Variants in SEPSECS observed in about 807,000 individuals in gnomAD.
SEPSECS encodes the protein Sep (O-phosphoserine) tRNA:Sec (selenocysteine) tRNA synthase, also known as O-phosphoseryl-tRNA(Sec) selenium transferase.
A neutral mutation model predicts 52.1 loss-of-function variants in SEPSECS; 42 were observed. That is an observed-to-expected ratio of 0.81 (90% confidence interval 0.63 to 1.04). The LOEUF is 1.04. Ranked by LOEUF, SEPSECS falls within the 50% of genes least tolerant of loss-of-function variation. The pLI, the probability that SEPSECS is intolerant of heterozygous loss-of-function variation, is 0.00. For synonymous variants in SEPSECS, 216 were observed against 211.4 expected (o/e 1.02, Z -0.19); for missense variants, 590 against 610.6 (o/e 0.97, Z 0.36).
At chr4:25,142,309 G>T (rs769581442) in intron 8 of SEPSECS, among the ~76,000 whole-genome samples, 1 of 150,654 alleles carries the variant, frequency 6.6e-6, no homozygotes, top group Non-Finnish European at 1.5e-5. Flanking sequence ...AATGAGGCCT[G>T]CCCTAATCAC....
intron 9 of SEPSECS, among the ~76,000 whole-genome samples, chr4:25,126,787 T>C (rs2109484354): frequency 6.6e-6 from 1 of 152,190 alleles, no homozygotes; most frequent in Non-Finnish European, 1.5e-5. Flanking sequence ...TTCTGATATG[T>C]TGGGGTTTTG....
intron 5 of SEPSECS, among the ~76,000 whole-genome samples, chr4:25,153,945 C>A (rs1160831076): frequency 1.3e-5 from 2 of 152,028 alleles, no homozygotes; most frequent in Non-Finnish European, 2.9e-5. Context: ...AAAGTATCCA[C>A]AAGGATAAAT....
At chr4:25,154,197 T>C (rs1249160760) in intron 5 of SEPSECS, among the ~76,000 whole-genome samples, 3 of 152,260 alleles carry the variant, frequency 2.0e-5, no homozygotes, top group South Asian at 2.1e-4. Flanking sequence ...AAAAACTGTC[T>C]CTTACAATCT....
At chr4:25,159,981 T>C (rs997269396) in intron 1 of SEPSECS, 7 of 985,146 alleles carry the variant, frequency 7.1e-6, no homozygotes, top group Non-Finnish European at 8.4e-6. Flanking sequence ...ACTGGGACTT[T>C]CCCTCACTTC....
intron 8 of SEPSECS, among the ~76,000 whole-genome samples, chr4:25,140,316 T>A (rs1729009214): frequency 1.3e-5 from 2 of 152,134 alleles, no homozygotes; most frequent in African/African-American, 2.4e-5. Flanking sequence ...TATAACTGAG[T>A]TTTTTTGGCC....
In SEPSECS at chr4:25,155,336, G is replaced by A. The variant is rs112375958; in HGVS notation, c.548-185C>T. On this transcript the variant is annotated intron_variant, in intron 4 of 10. Transcript: ENST00000382103. ...AGTCAAAGGCAGGTCAAAATAATGT[G>A]AGGGACTACTACACAATTTTAGGAC... 770 of 635,658 alleles carry A rather than the reference G, an allele frequency of 1.2e-3. 8 individuals carry two copies. In the African/African-American group the frequency reaches 0.012, roughly 10 times the overall value. 39.4% of individuals were successfully genotyped at this position (635,658 alleles called of 1,614,324 possible). A position where few individuals can be genotyped will look rare whatever the true frequency, so the allele number is the denominator to read the frequency against.
At chr4:25,128,422 G>A (rs1254442811) in intron 8 of SEPSECS, among the ~76,000 whole-genome samples, 3 of 149,358 alleles carry the variant, frequency 2.0e-5, no homozygotes, top group African/African-American at 5.0e-5. Flanking sequence ...CACCAGCCTG[G>A]GTAACATAAC....
chr4:25,158,020 T>C (rs1712793233), intron 2 of SEPSECS, among the ~76,000 whole-genome samples: 1 of 152,154 alleles, frequency 6.6e-6, no homozygotes, highest in African/African-American at 2.4e-5. Flanking sequence ...CAATACTCTT[T>C]AAAATAAAAA....
At chr4:25,132,896 C>G (rs1422567958) in intron 8 of SEPSECS, among the ~76,000 whole-genome samples, 2 of 152,156 alleles carry the variant, frequency 1.3e-5, no homozygotes, top group East Asian at 3.8e-4. Context: ...ACTTTAGCAT[C>G]ACACAGACCT....
At chr4:25,146,126 CAACT>C (rs1433497226) in intron 6 of SEPSECS, among the ~76,000 whole-genome samples, 10 of 152,220 alleles carry the variant, frequency 6.6e-5, no homozygotes, top group African/African-American at 2.2e-4. Context: ...GTCTAAATTA[CAACT>C]AACATAGTCT....
Position 25,123,284 on chromosome 4 carries a change from G to A in SEPSECS, c.*647C>T, listed in dbSNP as rs536327033. 6.5e-6 allele frequency: 1 copy of A among 152,770 alleles called. No homozygotes were observed. The highest frequency in any genetic ancestry group is 2.1e-4 in the South Asian group (1 of 4,836). The allele number at this position is 152,770 out of a possible 1,614,324, so 9.5% of individuals were successfully genotyped here. ...TTTGGGCTGGATAATTCTTTGTTGT[G>A]GGAGTTGTCCCATGCATTGTAGGAT... On this transcript the variant is annotated 3_prime_UTR_variant, in exon 11 of 11. Coordinates refer to ENST00000382103, the MANE Select transcript of SEPSECS (RefSeq NM_016955.4).
At position 25,121,421 on chromosome 4, in the gene SEPSECS, T is replaced by C. The variant is rs1226419725; in HGVS notation, c.*2510A>G. ...AATAAGGGTAGTTGGGTCAAAAAGA[T>C]AGAAGAGGTTATCTTCGGCAATGAT... On this transcript the variant is annotated 3_prime_UTR_variant, in exon 11 of 11. Transcript: ENST00000382103. The C allele has an allele frequency of 2.0e-5, 3 of 152,296 alleles. No individual in the cohort carries two copies. The highest frequency in any genetic ancestry group is 3.9e-4 in the East Asian group (2 of 5,194). 9.4% of individuals were successfully genotyped at this position (152,296 alleles called of 1,614,324 possible).
At position 25,159,004 on chromosome 4, in the gene SEPSECS, C is replaced by T; in HGVS notation, c.218G>A (p.Gly73Glu). The T allele has an allele frequency of 6.2e-7, 1 of 1,613,888 alleles. No individual in the cohort carries two copies. Among genetic ancestry groups the T allele is most frequent in the Non-Finnish European group, 8.5e-7 (1 of 1,179,840 alleles). The change falls in exon 2 of 11, where the codon GGA becomes GAA. Residue 73 changes from glycine to glutamate, a missense_variant. Physicochemically the swap from Gly to Glu is moderately conservative, Grantham distance 98 (BLOSUM62 -2). Transcript: ENST00000382103. ...GGATGCCACTCTCCCTTCCCTTTCT[C>T]CCACACCACAATTGCCTAAGAAATT... ...SNNFLGNCGV[G>E]EREGRVASAL... is the part of the protein sequence containing the mutation.
In SEPSECS at chr4:25,120,668, T is replaced by C. The variant is rs1301551075; in HGVS notation, c.*3263A>G. ...AATCATTTAAGGGTCTGGCAGAGGT[T>C]AGTACATCTCAGAAAGTGGGAAAAG... On this transcript the variant is annotated 3_prime_UTR_variant, in exon 11 of 11. Coordinates refer to ENST00000382103, the MANE Select transcript of SEPSECS (RefSeq NM_016955.4). 1 of 152,188 alleles carries C rather than the reference T, an allele frequency of 6.6e-6. No homozygotes were observed. Among genetic ancestry groups the C allele is most frequent in the Non-Finnish European group, 1.5e-5 (1 of 67,996 alleles). The allele number at this position is 152,188 out of a possible 1,614,324, so 9.4% of individuals were successfully genotyped here. A position where few individuals can be genotyped will look rare whatever the true frequency, so the allele number is the denominator to read the frequency against.
intron 5 of SEPSECS, among the ~76,000 whole-genome samples, chr4:25,154,709 T>G (rs1294605664): frequency 6.6e-6 from 1 of 152,024 alleles, no homozygotes; most frequent in Non-Finnish European, 1.5e-5. Context: ...AGAAAAAACA[T>G]GCTAAGAGAT....
chr4:25,129,240 C>T (rs1217430093), intron 8 of SEPSECS, among the ~76,000 whole-genome samples: 4 of 151,982 alleles, frequency 2.6e-5, no homozygotes, highest in East Asian at 3.9e-4. Flanking sequence ...CTTTCTCTTT[C>T]GTTATTTAAA....
intron 1 of SEPSECS, 177 bp downstream of exon 1, chr4:25,160,079 G>A: frequency 1.0e-6 from 1 of 985,410 alleles, no homozygotes; most frequent in Non-Finnish European, 1.2e-6. Flanking sequence ...ACTGGCTTTG[G>A]CAAGGCTGAG....
intron 8 of SEPSECS, among the ~76,000 whole-genome samples, chr4:25,128,521 T>A (rs900467059): frequency 2.0e-5 from 3 of 151,854 alleles, no homozygotes; most frequent in Non-Finnish European, 4.4e-5. Context: ...TAAAATATAT[T>A]CAATAGTAGA....
chr4:25,155,371 A>T, intron 4 of SEPSECS: 1 of 584,860 alleles, frequency 1.7e-6, no homozygotes, highest in Non-Finnish European at 3.0e-6. Flanking sequence ...CCATAAGTCT[A>T]TTTAACACTT....
Sources: gnomAD v4.1 joint callset for allele counts (sites outside exome capture counted in the v4.1 genomes callset) on GRCh38, gnomAD v4.1.1 for gene constraint, MANE v1.5 for transcripts, NCBI Gene and HGNC (gene_info 2026-07-23, HGNC 2026-07-21) for gene names.